Variants in UBE2E3 observed in about 807,000 individuals in gnomAD.
UBE2E3 encodes the protein ubiquitin-conjugating enzyme E2 E3.
UBE2E3 carries 5 observed loss-of-function variants against 23.6 expected under a neutral mutation model. The ratio of observed to expected loss-of-function variants is 0.21; its 90% CI spans 0.11 to 0.44. The LOEUF (loss-of-function observed/expected upper bound fraction) is 0.44. Among genes scored for constraint, UBE2E3 ranks in the 20% least tolerant of loss-of-function variants. The pLI, the probability that UBE2E3 is intolerant of heterozygous loss-of-function variation, is 0.99. For synonymous variants in UBE2E3, 78 were observed against 87.5 expected, an observed-to-expected ratio of 0.89 and a Z score of 0.60; for missense variants, 81 against 249.8, an observed-to-expected ratio of 0.32 and a Z score of 4.55.
chr2:181,019,317 A>G (rs1292840239), intron 3 of UBE2E3, among the ~76,000 whole-genome samples: 1 of 152,218 alleles, frequency 6.6e-6, no homozygotes, highest in African/African-American at 2.4e-5. Flanking sequence ...TAGACGCTAA[A>G]TCATTGGAAC....
intron 3 of UBE2E3, among the ~76,000 whole-genome samples, chr2:181,029,355 T>A (rs181865400): frequency 7.2e-5 from 11 of 152,296 alleles, no homozygotes; most frequent in Admixed American, 2.0e-4. Context: ...TTAATTAGAA[T>A]TTTATTGAAT....
intron 3 of UBE2E3, among the ~76,000 whole-genome samples, chr2:181,044,280 A>G (rs1686605885): frequency 6.6e-6 from 1 of 152,202 alleles, no homozygotes; most frequent in African/African-American, 2.4e-5. Flanking sequence ...TGAATAGTGC[A>G]AAATATACAG....
At chr2:181,060,626 C>T (rs925706839) in intron 4 of UBE2E3, 39 bp from the exon 5 acceptor site, 2 of 1,525,564 alleles carry the variant, frequency 1.3e-6, no homozygotes, top group African/African-American at 1.4e-5. Flanking sequence ...GGTAATACAG[C>T]ATTCATTTTC....
At chr2:181,054,356 A>G (rs1197998102) in intron 3 of UBE2E3, among the ~76,000 whole-genome samples, 1 of 151,900 alleles carries the variant, frequency 6.6e-6, no homozygotes, top group Non-Finnish European at 1.5e-5. Context: ...ATTCTCCACT[A>G]GCAATGGATG....
intron 3 of UBE2E3, among the ~76,000 whole-genome samples, chr2:181,035,745 C>G (rs1357161082): frequency 2.0e-5 from 3 of 151,858 alleles, no homozygotes; most frequent in Admixed American, 1.3e-4. Context: ...ATATGTGACC[C>G]AAGACAATTC....
chr2:181,000,236 A>G lies in UBE2E3; in HGVS notation c.245+16143A>G, dbSNP rs183782908. On this transcript the variant is annotated intron_variant, in intron 3 of 5. Transcript: ENST00000410062. The stretch of plus-strand genomic sequence containing the variant: ...AAAAAATCTATTAAAGTAGCTTTCT[A>G]CAACATGGGGTTAAGATTATTAAGT... 3.5e-4 allele frequency among the ~76,000 whole-genome samples: 53 copies of G among 152,370 alleles called. 1 individual carries two copies. The highest frequency in any genetic ancestry group is 1.2e-3 in the African/African-American group (50 of 41,594).
intron 3 of UBE2E3, chr2:180,990,065 G>A (rs1230107976): frequency 3.2e-6 from 4 of 1,251,602 alleles, no homozygotes; most frequent in African/African-American, 1.5e-5. Context: ...GTATATTTGG[G>A]CATTTTAATT....
chr2:181,016,303 C>A (rs1685489441), intron 3 of UBE2E3, among the ~76,000 whole-genome samples: 1 of 151,556 alleles, frequency 6.6e-6, no homozygotes, highest in African/African-American at 2.4e-5. Flanking sequence ...TGGTCTTGAT[C>A]TCCTGGGTTC....
intron 2 of UBE2E3, among the ~76,000 whole-genome samples, chr2:180,983,718 T>C (rs562254571): frequency 6.6e-6 from 1 of 152,338 alleles, no homozygotes; most frequent in African/African-American, 2.4e-5. Context: ...CATTTGCATA[T>C]AAGCTTGAAA....
intron 3 of UBE2E3, among the ~76,000 whole-genome samples, chr2:181,020,497 C>G (rs910432011): frequency 3.3e-5 from 5 of 152,184 alleles, no homozygotes; most frequent in Admixed American, 1.3e-4. Flanking sequence ...GCCTACAATT[C>G]AAGCTGTCAC....
At chr2:181,045,636 G>C (rs1235503361) in intron 3 of UBE2E3, among the ~76,000 whole-genome samples, 1 of 152,130 alleles carries the variant, frequency 6.6e-6, no homozygotes, top group East Asian at 1.9e-4. Context: ...CTAGGGGTGG[G>C]ACCTGGTATT....
At chr2:181,026,972 AATC>A (rs1369230872) in intron 3 of UBE2E3, among the ~76,000 whole-genome samples, 4 of 151,976 alleles carry the variant, frequency 2.6e-5, no homozygotes, top group African/African-American at 7.2e-5. Context: ...AGATTTTACT[AATC>A]AGCTAGAAAT....
At chr2:181,053,264 T>C (rs960530428) in intron 3 of UBE2E3, among the ~76,000 whole-genome samples, 1 of 151,756 alleles carries the variant, frequency 6.6e-6, no homozygotes, top group East Asian at 1.9e-4. Flanking sequence ...TATCATACTT[T>C]TCAGTATTTT....
chr2:181,032,049 A>G (rs909323365), intron 3 of UBE2E3, among the ~76,000 whole-genome samples: 2 of 152,168 alleles, frequency 1.3e-5, no homozygotes, highest in Non-Finnish European at 2.9e-5. Context: ...CTCCATTAGG[A>G]AAATCTAGAA....
At chr2:181,024,308 T>C (rs1177011649) in intron 3 of UBE2E3, among the ~76,000 whole-genome samples, 1 of 152,102 alleles carries the variant, frequency 6.6e-6, no homozygotes, top group Admixed American at 6.6e-5. Context: ...TAAAACCAGA[T>C]TACGAAAAAG....
At chr2:181,047,495 T>G (rs1481163131) in intron 3 of UBE2E3, among the ~76,000 whole-genome samples, 1 of 152,134 alleles carries the variant, frequency 6.6e-6, no homozygotes, top group African/African-American at 2.4e-5. Flanking sequence ...AAAACCAACT[T>G]TTTTTTCAAC....
intron 3 of UBE2E3, among the ~76,000 whole-genome samples, chr2:181,003,011 C>T (rs1685034717): frequency 6.6e-6 from 1 of 152,188 alleles, no homozygotes. Flanking sequence ...ATCTCTCTGC[C>T]CATGTGTCTT....
chr2:181,022,263 T>G (rs753845760), intron 3 of UBE2E3, among the ~76,000 whole-genome samples: 1 of 152,112 alleles, frequency 6.6e-6, no homozygotes, highest in Non-Finnish European at 1.5e-5. Flanking sequence ...ATAAGATTAG[T>G]ATTATTGCTA....
intron 3 of UBE2E3, among the ~76,000 whole-genome samples, chr2:181,025,068 G>T (rs757888604): frequency 2.0e-5 from 3 of 152,088 alleles, no homozygotes; most frequent in South Asian, 4.1e-4. Flanking sequence ...TTAGCCACAT[G>T]GAGATACGTT....
Sources: allele counts gnomAD v4.1 joint callset (sites outside exome capture counted in the v4.1 genomes callset), GRCh38; gene constraint gnomAD v4.1.1; transcripts MANE v1.5; gene names NCBI Gene and HGNC (gene_info 2026-07-23, HGNC 2026-07-21).